DIAPH2: variants seen among roughly 807,000 people sequenced by gnomAD.
DIAPH2 encodes protein diaphanous homolog 2.
DIAPH2 carries 35 observed loss-of-function variants against 92.7 expected under a neutral mutation model. That is an observed-to-expected ratio of 0.38 (90% CI 0.29 to 0.50). The LOEUF (loss-of-function observed/expected upper bound fraction) is 0.50. DIAPH2 is among the 20% of genes least tolerant of loss of function. The pLI is 0.94. For missense variants in DIAPH2, 701 were observed against 819.5 expected (o/e 0.86, Z 1.77); for synonymous variants, 301 against 280.4 (o/e 1.07, Z -0.73).
chrX:97,398,894 C>T (rs1467664883), intron 25 of DIAPH2, among the ~76,000 whole-genome samples: 1 of 109,541 alleles, frequency 9.1e-6, no homozygotes, highest in East Asian at 2.9e-4. Context: ...TTACAGGCAC[C>T]CACCACCACG....
intron 22 of DIAPH2, among the ~76,000 whole-genome samples, chrX:97,199,474 G>T (rs1411099046): frequency 1.8e-5 from 2 of 111,592 alleles, no homozygotes; most frequent in East Asian, 5.7e-4. Flanking sequence ...AAGCATTTAT[G>T]TAAAGCTTGA....
At chrX:97,327,341 C>T (rs1038153639) in intron 23 of DIAPH2, among the ~76,000 whole-genome samples, 12 of 110,474 alleles carry the variant, frequency 1.1e-4, no homozygotes, top group African/African-American at 3.6e-4. Context: ...TCAGGCAATC[C>T]GCCTGCCTCA....
intron 23 of DIAPH2, among the ~76,000 whole-genome samples, chrX:97,301,075 G>A (rs2068699753): frequency 9.7e-6 from 1 of 102,843 alleles, no homozygotes; most frequent in Admixed American, 1.1e-4. Context: ...AGGCCGAGGT[G>A]GGCGGATTAC....
At chrX:97,561,933 A>C (rs946260237) in intron 26 of DIAPH2, among the ~76,000 whole-genome samples, 2 of 112,443 alleles carry the variant, frequency 1.8e-5, no homozygotes, top group East Asian at 5.6e-4. Flanking sequence ...TCATAAAACC[A>C]TGAATATTTT....
intron 3 of DIAPH2, among the ~76,000 whole-genome samples, chrX:96,750,234 G>A (rs761567831): frequency 4.6e-5 from 5 of 109,173 alleles, no homozygotes; most frequent in Non-Finnish European, 9.5e-5. Context: ...TGCCATGTCG[G>A]CCAGGCTGGT....
chrX:97,022,639 AAAAT>A (rs1200077244), intron 17 of DIAPH2, among the ~76,000 whole-genome samples: 1 of 112,390 alleles, frequency 8.9e-6, no homozygotes, highest in Non-Finnish European at 1.9e-5. Context: ...TTTGGAAAAA[AAAAT>A]TGTATACATC....
intron 17 of DIAPH2, among the ~76,000 whole-genome samples, chrX:97,016,926 T>C (rs1156837610): frequency 8.9e-6 from 1 of 112,152 alleles, no homozygotes; most frequent in Admixed American, 9.5e-5. Context: ...GGTGGTGGTC[T>C]AGTCTTGCTG....
Position 96,740,487 on chromosome X carries a change from G to T in DIAPH2, c.342+1725G>T, listed in dbSNP as rs188633625. 3.6e-5 allele frequency among the ~76,000 whole-genome samples: 4 copies of T among 112,273 alleles called. No homozygotes were observed. In the East Asian group the frequency reaches 1.1e-3, roughly 31 times the overall value. Reference sequence around the variant, plus strand: ...GACAATTTGGTTACTACCTTTTGCAGTATTGAAATAGTTCTCCGAGTTCAT... The same window carrying T: ...GACAATTTGGTTACTACCTTTTGCATTATTGAAATAGTTCTCCGAGTTCAT... On this transcript the variant is annotated intron_variant, in intron 3 of 26. Coordinates refer to ENST00000324765, the MANE Select transcript of DIAPH2 (RefSeq NM_006729.5).
chrX:96,773,243 C>CT (rs2064351607), intron 4 of DIAPH2, among the ~76,000 whole-genome samples: 1 of 86,198 alleles, frequency 1.2e-5, no homozygotes, highest in East Asian at 4.3e-4. Flanking sequence ...TGTTTCCCCC[C>CT]CCCTCCCGCC....
At chrX:97,092,982 C>T (rs941396710) in intron 19 of DIAPH2, among the ~76,000 whole-genome samples, 5 of 109,651 alleles carry the variant, frequency 4.6e-5, no homozygotes, top group Non-Finnish European at 7.6e-5. Flanking sequence ...CCCAGGAGTT[C>T]GAGACCAGCC....
intron 8 of DIAPH2, among the ~76,000 whole-genome samples, chrX:96,917,453 TAAC>T (rs1453549465): frequency 1.8e-5 from 2 of 111,431 alleles, no homozygotes; most frequent in African/African-American, 6.5e-5. Context: ...ACCTCAATGA[TAAC>T]AAACTGAGAA....
At chrX:97,353,425 T>G (rs2069237158) in intron 24 of DIAPH2, among the ~76,000 whole-genome samples, 1 of 111,145 alleles carries the variant, frequency 9.0e-6, no homozygotes, top group Non-Finnish European at 1.9e-5. Flanking sequence ...CCAAATAAAT[T>G]ATAGAAAATA....
At chrX:97,227,707 A>G (rs1470759231) in intron 22 of DIAPH2, among the ~76,000 whole-genome samples, 1 of 111,945 alleles carries the variant, frequency 8.9e-6, no homozygotes, top group African/African-American at 3.2e-5. Context: ...CAGAGTTGCA[A>G]AGTGAATAGT....
chrX:97,313,418 TG>T (rs1391409001), intron 23 of DIAPH2, among the ~76,000 whole-genome samples: 2 of 111,895 alleles, frequency 1.8e-5, no homozygotes, highest in Non-Finnish European at 3.8e-5. Context: ...TAACATGGTT[TG>T]AAAAATGTGA....
intron 25 of DIAPH2, among the ~76,000 whole-genome samples, chrX:97,405,750 T>C (rs190413199): frequency 6.3e-4 from 70 of 111,851 alleles, no homozygotes; most frequent in African/African-American, 2.3e-3. Flanking sequence ...ATGAAATTGT[T>C]GCCATTTGAC....
At chrX:97,453,297 C>CT (rs1445102203) in intron 26 of DIAPH2, among the ~76,000 whole-genome samples, 12 of 108,262 alleles carry the variant, frequency 1.1e-4, no homozygotes, top group Non-Finnish European at 1.7e-4. Flanking sequence ...GAATTTGTTT[C>CT]TTTTTTTTTG....
chrX:97,586,386 T>G (rs1385691857), intron 26 of DIAPH2, among the ~76,000 whole-genome samples: 2 of 111,733 alleles, frequency 1.8e-5, no homozygotes, highest in African/African-American at 6.5e-5. Flanking sequence ...GGACTCCTTT[T>G]CTTTCCTACA....
At chrX:96,750,051 GTTTTTTTTTTTTTTT>G (rs753887199) in intron 3 of DIAPH2, among the ~76,000 whole-genome samples, 1 of 71,044 alleles carries the variant, frequency 1.4e-5, no homozygotes, top group African/African-American at 5.7e-5. Context: ...TATATTTCAA[GTTTTTTTTTTTTTTT>G]TTTTTTTTTG....
intron 21 of DIAPH2, among the ~76,000 whole-genome samples, chrX:97,124,756 T>TTAAGCATGTTACAATAAGC (rs1308529316): frequency 1.9e-4 from 21 of 112,025 alleles, no homozygotes; most frequent in African/African-American, 6.8e-4. Flanking sequence ...TTTTAACTTA[T>TTAAGCATGTTACAATAAGC]ATGTTACAGT....
Sources: gnomAD v4.1 joint callset for allele counts (sites outside exome capture counted in the v4.1 genomes callset) on GRCh38, gnomAD v4.1.1 for gene constraint, MANE v1.5 for transcripts, NCBI Gene and HGNC (gene_info 2026-07-23, HGNC 2026-07-21) for gene names.